The following INTS1 variants were observed in gnomAD, a reference collection of about 807,000 sequenced individuals.
The protein encoded by INTS1 is integrator complex subunit 1.
In INTS1, 137 loss-of-function variants were observed where a neutral mutation model predicts 241.6. That is an observed-to-expected ratio of 0.57 (90% CI 0.49 to 0.65). The LOEUF (loss-of-function observed/expected upper bound fraction) is 0.65, where lower values mean the gene tolerates loss of function less well. Ranked by LOEUF, INTS1 falls within the 30% of genes least tolerant of loss-of-function variation. The pLI, the probability that INTS1 is intolerant of heterozygous loss-of-function variation, is 0.00. For synonymous variants in INTS1, 1,692 were observed against 1,337.8 expected (o/e 1.26, Z -5.78); for missense variants, 3,073 against 3,032.2 (o/e 1.01, Z -0.32).
Position 1,483,829 on chromosome 7 carries a change from G to T in INTS1, c.3454C>A (p.Leu1152Ile). ...GCTGTCTCCCCGCTGCTCCAGCGTAGGAAGACCTGGTCCTGAGACTCCGAC... is the reference window on the plus strand; with the variant it reads ...GCTGTCTCCCCGCTGCTCCAGCGTATGAAGACCTGGTCCTGAGACTCCGAC... The part of the protein sequence containing the change: ...SWSESQDQVF[L>I]RWSSGETATM... The change falls in exon 26 of 48, where the codon CTA (leucine) becomes ATA (isoleucine). Residue 1152 changes from leucine to isoleucine, a missense_variant. By Grantham distance (5) the Leu-to-Ile change is conservative. Coordinates refer to ENST00000404767, the MANE Select transcript of INTS1 (RefSeq NM_001080453.3). 1 of 1,612,200 alleles carries T rather than the reference G, an allele frequency of 6.2e-7. No homozygotes were observed. Among genetic ancestry groups the T allele is most frequent in the East Asian group, 2.2e-5 (1 of 44,846 alleles).
chr7:1,484,942 G>C (rs1782178736), intron 24 of INTS1, among the ~76,000 whole-genome samples, 156 bp downstream of exon 24: 1 of 151,622 alleles, frequency 6.6e-6, no homozygotes, highest in South Asian at 2.1e-4. Flanking sequence ...TCTCTGTGCT[G>C]ACCCCGTCCC....
At chr7:1,476,992 T>C in intron 35 of INTS1, 74 bp from the exon 36 acceptor site, 3 of 1,520,820 alleles carry the variant, frequency 2.0e-6, no homozygotes, top group Non-Finnish European at 2.6e-6. Context: ...AGCTGACAGC[T>C]TCCCCAATGA....
At chr7:1,478,073 GGA>G in intron 33 of INTS1, 137 bp from the exon 34 acceptor site, 1 of 780,770 alleles carries the variant, frequency 1.3e-6, no homozygotes, top group East Asian at 2.6e-5. Flanking sequence ...GAGCCAGAGA[GGA>G]GAGTGCAGCC....
At chr7:1,478,624 C>T in intron 32 of INTS1, 102 bp downstream of exon 32, 7 of 1,489,990 alleles carry the variant, frequency 4.7e-6, no homozygotes, top group Non-Finnish European at 6.3e-6. Context: ...ACCCACCCCC[C>T]AAGCCACTGC....
rs375216634 is a variant in INTS1 at position 1,504,007 on chromosome 7, G to C, written c.-41-6C>G. On this transcript the variant is annotated splice_region_variant and splice_polypyrimidine_tract_variant and intron_variant, in intron 1 of 47. Coordinates refer to ENST00000404767, the MANE Select transcript of INTS1 (RefSeq NM_001080453.3). ...CCCGGCGGCTGCGGCGTCACCTGCGGAGGAGCCAGCGTGCGGTCATTCCTT... is the reference window on the plus strand; with the variant it reads ...CCCGGCGGCTGCGGCGTCACCTGCGCAGGAGCCAGCGTGCGGTCATTCCTT... 6 of 1,419,838 alleles carry C rather than the reference G, an allele frequency of 4.2e-6. No homozygotes were observed. The highest frequency in any genetic ancestry group is 5.8e-6 in the Non-Finnish European group (6 of 1,039,502). 88.0% of individuals were successfully genotyped at this position (1,419,838 alleles called of 1,614,324 possible).
At chr7:1,483,087 C>T (rs1782073271) in intron 26 of INTS1, 1 of 234,040 alleles carries the variant, frequency 4.3e-6, no homozygotes, top group Non-Finnish European at 8.5e-6. Context: ...CCAGCTTCTC[C>T]GGCTGCCCTT....
In INTS1 at chr7:1,478,714, C is replaced by G; in HGVS notation, c.4489+12G>C. The G allele has an allele frequency of 1.3e-6, 2 of 1,550,310 alleles. No individual in the cohort carries two copies. The highest frequency in any genetic ancestry group is 1.7e-6 in the Non-Finnish European group (2 of 1,147,312). On this transcript the variant is annotated intron_variant, in intron 32 of 47. Transcript: ENST00000404767. ...GCCCCCCAGCCGTCTGCCAGCCCGG[C>G]GCGGTCCTCACCATCACTGAGCCTG...
chr7:1,479,789 A>G (rs1781907914), intron 30 of INTS1, 105 bp from the exon 31 acceptor site: 7 of 1,236,202 alleles, frequency 5.7e-6, no homozygotes, highest in East Asian at 2.7e-5. Flanking sequence ...ACCGCGTCCC[A>G]TCGTGTCCCT....
rs371831621 is a variant in INTS1, at chr7:1,500,142, C to G, written c.546+28G>C. 24 of 1,578,898 alleles carry G rather than the reference C, an allele frequency of 1.5e-5. No individual in the cohort carries two copies. The East Asian group carries it at 5.2e-4, about 35-fold the overall frequency. On this transcript the variant is annotated intron_variant, in intron 4 of 47. Coordinates refer to ENST00000404767, the MANE Select transcript of INTS1 (RefSeq NM_001080453.3). ...GGGAGCCAAGGGCCCCAGCGCTGCT[C>G]GCCTCCTGCCAGGGGCCCGGCTCAA...
Position 1,473,169 on chromosome 7 carries a change from G to A in INTS1, c.5973C>T (p.Asp1991=), listed in dbSNP as rs1179757100. 2.5e-6 allele frequency: 4 copies of A among 1,611,228 alleles called. No homozygotes were observed. Among genetic ancestry groups the A allele is most frequent in the African/African-American group, 1.3e-5 (1 of 74,918 alleles). ...ATTTCAGCATCACCAGGTCACTGTTGTCGAAGGACAGGTCGCTGGGGAGAG... is the reference window on the plus strand; with the variant it reads ...ATTTCAGCATCACCAGGTCACTGTTATCGAAGGACAGGTCGCTGGGGAGAG... ...HADPLHDLSF[D]NSDLVMLKSL... is the part of the protein sequence containing the mutation. The change falls in exon 43 of 48, where the codon GAC becomes GAT. Residue 1991 remains aspartate, a synonymous_variant. Coordinates refer to ENST00000404767, the MANE Select transcript of INTS1 (RefSeq NM_001080453.3).
At position 1,476,889 on chromosome 7, in the gene INTS1, G is replaced by C; in HGVS notation, c.4968C>G (p.Phe1656Leu). Residue 1656 changes from phenylalanine to leucine, a missense_variant, in exon 36 of 48, where the codon TTC becomes TTG. Physicochemically the swap from Phe to Leu is conservative, Grantham distance 22. Coordinates refer to ENST00000404767, the MANE Select transcript of INTS1 (RefSeq NM_001080453.3). ...KGKGQAQVPS[F>L]RPYLLTLFTH... ...TGAAGAGGGTCAGGAGGTAGGGACGGAACGAGGGCACCTGGGCCTGACCTT... is the reference window on the plus strand; with the variant it reads ...TGAAGAGGGTCAGGAGGTAGGGACGCAACGAGGGCACCTGGGCCTGACCTT... 6.2e-7 allele frequency: 1 copy of C among 1,612,266 alleles called. No individual in the cohort carries two copies. The highest frequency in any genetic ancestry group is 2.2e-5 in the East Asian group (1 of 44,860).
chr7:1,483,101 A>C (rs963857193), intron 26 of INTS1: 15 of 227,422 alleles, frequency 6.6e-5, no homozygotes, highest in African/African-American at 3.4e-4. Context: ...TGCCCTTCCC[A>C]AGGGCGACGC....
Position 1,493,923 on chromosome 7 carries a change from G to T in INTS1, c.1911-12C>A, listed in dbSNP as rs1205576530. 6.4e-7 allele frequency: 1 copy of T among 1,552,866 alleles called. No homozygotes were observed. Among genetic ancestry groups the T allele is most frequent in the Non-Finnish European group, 8.7e-7 (1 of 1,147,860 alleles). On this transcript the variant is annotated splice_polypyrimidine_tract_variant and intron_variant, in intron 14 of 47. Transcript: ENST00000404767. The surrounding 1 kb of genome is among the most constrained non-coding windows in gnomAD (Gnocchi z 5.3). ...GACGCAGGAAGAAGCTGCGGGGTGG[G>T]GGAGGCATGACTCGGTGTGGGCTGC...
At chr7:1,482,213 G>A (rs1041014337) in intron 27 of INTS1, 3 of 223,540 alleles carry the variant, frequency 1.3e-5, no homozygotes, top group Non-Finnish European at 2.6e-5. Flanking sequence ...ATCCTTCAGG[G>A]ACCCACCCAG....
chr7:1,470,601 G>A lies in INTS1; in HGVS notation c.6549C>T (p.Ile2183=). 6.3e-7 allele frequency: 1 copy of A among 1,578,948 alleles called. No individual in the cohort carries two copies. ...PSAQISEALR[I]LHMEAVM Reference sequence around the variant, plus strand: ...CTCACATCACGGCCTCCATATGCAGGATCCTCAGGGCCTCGGAGATCTGCG... The same window carrying A: ...CTCACATCACGGCCTCCATATGCAGAATCCTCAGGGCCTCGGAGATCTGCG... The change falls in exon 48 of 48, where the codon ATC becomes ATT. Residue 2183 remains isoleucine, a synonymous_variant. Coordinates refer to ENST00000404767, the MANE Select transcript of INTS1 (RefSeq NM_001080453.3).
At chr7:1,492,228 G>A (rs1470747771) in intron 16 of INTS1, among the ~76,000 whole-genome samples, 8 of 152,228 alleles carry the variant, frequency 5.3e-5, no homozygotes, top group African/African-American at 1.7e-4. Flanking sequence ...CAGCAGACAT[G>A]ATCTCTGTCC....
chr7:1,474,128 A>C (rs1781599010), intron 41 of INTS1, 40 bp downstream of exon 41: 1 of 1,527,500 alleles, frequency 6.5e-7, no homozygotes, highest in South Asian at 1.2e-5. Context: ...GAGCAGAGGG[A>C]GTGGAAGGGA....
chr7:1,503,294 C>T, intron 2 of INTS1, 103 bp from the exon 3 acceptor site: 1 of 1,269,196 alleles, frequency 7.9e-7, no homozygotes, highest in Non-Finnish European at 1.1e-6. Context: ...AAACAAGGGT[C>T]AGAGGAGGCA....
At chr7:1,471,257 A>T in intron 45 of INTS1, 33 bp from the exon 46 acceptor site, 7 of 1,549,816 alleles carry the variant, frequency 4.5e-6, no homozygotes, top group Non-Finnish European at 5.2e-6. Context: ...GTGTGTGACC[A>T]AGGGGTCCAG....
Sources: allele counts gnomAD v4.1 joint callset (sites outside exome capture counted in the v4.1 genomes callset), GRCh38; gene constraint gnomAD v4.1.1; non-coding constraint Gnocchi (gnomAD v3.1); transcripts MANE v1.5; gene names NCBI Gene and HGNC (gene_info 2026-07-23, HGNC 2026-07-21).